Variants in SPAG16 observed in about 807,000 individuals in gnomAD.
The protein encoded by SPAG16 is sperm-associated antigen 16 protein.
Under a neutral mutation model 80.4 loss-of-function variants are expected in SPAG16, and 86 were observed. The ratio of observed to expected loss-of-function variants is 1.07; its 90% confidence interval spans 0.90 to 1.28. The LOEUF is 1.28. Among genes scored for constraint, SPAG16 ranks in the 50% most tolerant of loss-of-function variants. SPAG16 has a pLI of 0.00. For synonymous variants in SPAG16, 294 were observed against 265.9 expected, an observed-to-expected ratio of 1.11 and a Z score of -1.03; for missense variants, 870 against 765.3, an observed-to-expected ratio of 1.14 and a Z score of -1.61.
intron 10 of SPAG16, among the ~76,000 whole-genome samples, chr2:213,694,166 G>A (rs1305035076): frequency 6.6e-6 from 1 of 152,150 alleles, no homozygotes; most frequent in African/African-American, 2.4e-5. Flanking sequence ...AACTAAGGAG[G>A]TAAGAGAAGG....
Position 214,146,869 on chromosome 2 carries a change from A to G in SPAG16, c.1594-2271A>G, listed in dbSNP as rs376548569. The stretch of plus-strand genomic sequence containing the variant: ...CAAAAAATTAGCCGGGTGTGGTGGC[A>G]GGCATCTGTGTAGTCCCAGCTACTC... On this transcript the variant is annotated intron_variant, in intron 14 of 15. Coordinates refer to ENST00000331683, the MANE Select transcript of SPAG16 (RefSeq NM_024532.5). Among the ~76,000 whole-genome samples, 28 of 152,046 alleles carry G rather than the reference A, an allele frequency of 1.8e-4. No individual in the cohort carries two copies. In the South Asian group the frequency reaches 2.1e-3, roughly 11 times the overall value.
intron 5 of SPAG16, among the ~76,000 whole-genome samples, chr2:213,335,845 A>G (rs116266301): frequency 6.6e-6 from 1 of 152,130 alleles, no homozygotes; most frequent in Non-Finnish European, 1.5e-5. Flanking sequence ...AGTAGAGGTC[A>G]TTTTTAAAAA....
chr2:214,391,978 G>A (rs1701105921), intron 15 of SPAG16, among the ~76,000 whole-genome samples: 1 of 152,186 alleles, frequency 6.6e-6, no homozygotes, highest in African/African-American at 2.4e-5. Context: ...ACAACGCAGA[G>A]ATTTGGACCA....
intron 13 of SPAG16, among the ~76,000 whole-genome samples, chr2:214,046,899 AC>A (rs1450787149): frequency 9.6e-6 from 1 of 104,658 alleles, no homozygotes; most frequent in African/African-American, 3.9e-5. Flanking sequence ...TCAAAAGTAA[AC>A]AATCTGAAAA....
chr2:214,275,060 C>T (rs1343409560), intron 15 of SPAG16, among the ~76,000 whole-genome samples: 1 of 152,082 alleles, frequency 6.6e-6, no homozygotes, highest in Non-Finnish European at 1.5e-5. Flanking sequence ...TCTATTTCTT[C>T]TAGGTTTTCT....
chr2:213,982,063 CTG>C (rs1476595457), intron 12 of SPAG16, among the ~76,000 whole-genome samples: 2 of 151,632 alleles, frequency 1.3e-5, no homozygotes, highest in Non-Finnish European at 2.9e-5. Context: ...TATAGATGAA[CTG>C]TAACAAATAT....
intron 15 of SPAG16, among the ~76,000 whole-genome samples, chr2:214,326,645 A>T (rs947672865): frequency 5.3e-5 from 8 of 152,040 alleles, no homozygotes; most frequent in Non-Finnish European, 1.2e-4. Context: ...ATCTTTTTTT[A>T]AAAAGTCACA....
chr2:214,119,573 G>C (rs550386890), intron 14 of SPAG16, among the ~76,000 whole-genome samples: 10 of 152,112 alleles, frequency 6.6e-5, no homozygotes, highest in African/African-American at 2.4e-4. Flanking sequence ...ATTCCATAGG[G>C]CCTTCTAGAA....
intron 13 of SPAG16, among the ~76,000 whole-genome samples, chr2:214,031,607 AAAATAAAAT>A (rs1048491276): frequency 2.2e-5 from 2 of 91,262 alleles, no homozygotes; most frequent in African/African-American, 7.6e-5. Flanking sequence ...ATAATAAAAT[AAAATAAAAT>A]AAAATAAACA....
At chr2:214,041,164 C>A (rs991667611) in intron 13 of SPAG16, among the ~76,000 whole-genome samples, 6 of 150,130 alleles carry the variant, frequency 4.0e-5, no homozygotes, top group Non-Finnish European at 8.9e-5. Flanking sequence ...CTTTTTAAAT[C>A]CTTTTTTTTC....
intron 9 of SPAG16, among the ~76,000 whole-genome samples, chr2:213,449,608 A>G (rs1201540235): frequency 1.3e-5 from 2 of 152,214 alleles, no homozygotes; most frequent in African/African-American, 4.8e-5. Flanking sequence ...TGGAAAATAG[A>G]AAGAACCTAC....
At chr2:213,707,890 G>C (rs1428835957) in intron 10 of SPAG16, among the ~76,000 whole-genome samples, 2 of 152,096 alleles carry the variant, frequency 1.3e-5, no homozygotes, top group Non-Finnish European at 2.9e-5. Context: ...CTGGTAATTT[G>C]TTGAATCTGG....
chr2:213,541,091 C>T (rs1419591979), intron 10 of SPAG16, among the ~76,000 whole-genome samples: 1 of 152,176 alleles, frequency 6.6e-6, no homozygotes, highest in Non-Finnish European at 1.5e-5. Flanking sequence ...CTATTGTTAC[C>T]ATGGTTTTTC....
chr2:213,917,414 G>T (rs1367139308), intron 11 of SPAG16, among the ~76,000 whole-genome samples: 1 of 152,106 alleles, frequency 6.6e-6, no homozygotes, highest in Non-Finnish European at 1.5e-5. Context: ...GAGCATGGAA[G>T]ATTTTTCCAG....
chr2:214,360,382 GAAC>G (rs1699106944), intron 15 of SPAG16, among the ~76,000 whole-genome samples: 1 of 151,728 alleles, frequency 6.6e-6, no homozygotes, highest in Admixed American at 6.6e-5. Context: ...TAACCAAAGA[GAAC>G]AAATTGAAAA....
chr2:214,376,812 T>G (rs2126099139), intron 15 of SPAG16, among the ~76,000 whole-genome samples: 1 of 152,350 alleles, frequency 6.6e-6, no homozygotes, highest in South Asian at 2.1e-4. Flanking sequence ...GTTCTGTAAA[T>G]GTTGAGTAAA....
chr2:214,120,653 T>C (rs977656108), intron 14 of SPAG16, among the ~76,000 whole-genome samples: 2 of 151,886 alleles, frequency 1.3e-5, no homozygotes, highest in African/African-American at 4.8e-5. Context: ...TTCTCCTCTC[T>C]TGAGCCCTGA....
intron 10 of SPAG16, among the ~76,000 whole-genome samples, chr2:213,635,735 T>C (rs1010756758): frequency 1.3e-5 from 2 of 152,242 alleles, no homozygotes; most frequent in African/African-American, 4.8e-5. Flanking sequence ...CCTTGTTTCT[T>C]GACCATTTGT....
intron 15 of SPAG16, among the ~76,000 whole-genome samples, chr2:214,305,079 T>C (rs1694819541): frequency 6.6e-6 from 1 of 152,168 alleles, no homozygotes; most frequent in Non-Finnish European, 1.5e-5. Flanking sequence ...CTGACTGGTG[T>C]GAGATGGTAT....
Sources: allele counts gnomAD v4.1 joint callset (sites outside exome capture counted in the v4.1 genomes callset), GRCh38; gene constraint gnomAD v4.1.1; transcripts MANE v1.5; gene names NCBI Gene and HGNC (gene_info 2026-07-23, HGNC 2026-07-21).